RALGAPA1: variants seen among roughly 807,000 people sequenced by gnomAD.
The protein encoded by RALGAPA1 is Ral GTPase activating protein catalytic subunit alpha 1, also known as ral GTPase-activating protein subunit alpha-1.
Under a neutral mutation model 269.6 loss-of-function variants are expected in RALGAPA1, and 52 were observed. The observed-to-expected ratio is 0.19, with a 90% confidence interval of 0.15 to 0.24. The LOEUF is 0.24. RALGAPA1 is among the 10% of genes least tolerant of loss of function. The probability of loss-of-function intolerance (pLI) is 1.00; values close to 1 mark genes in which losing one functional copy is unlikely to be tolerated. For synonymous variants in RALGAPA1, 817 were observed against 1,008.3 expected (o/e 0.81, Z 3.60); for missense variants, 1,917 against 3,013.9 (o/e 0.64, Z 8.52).
rs952314933 is a variant in RALGAPA1, at chr14:35,572,886, C to A, written c.7210-168G>T. ...CACTCAAAAACATCAGGAGACACTG[C>A]AGAAGACCAGACAATTTCAATTGTC... is the stretch of plus-strand genomic sequence containing the variant. On this transcript the variant is annotated intron_variant, in intron 37 of 41. Coordinates refer to ENST00000680220, the MANE Select transcript of RALGAPA1 (RefSeq NM_001346249.2). The A allele has an allele frequency of 3.5e-5, 14 of 403,426 alleles. No homozygotes were observed. The Admixed American group carries it at 4.0e-4, about 11-fold the overall frequency. The allele number at this position is 403,426 out of a possible 1,614,324, so 25.0% of individuals were successfully genotyped here. A position where few individuals can be genotyped will look rare whatever the true frequency, so the allele number is the denominator to read the frequency against.
intron 37 of RALGAPA1, among the ~76,000 whole-genome samples, chr14:35,592,369 A>G (rs2058690207): frequency 6.6e-6 from 1 of 152,264 alleles, no homozygotes. Flanking sequence ...AGAATTAATT[A>G]GAAACCTTTA....
chr14:35,683,388 A>T (rs942369426), intron 21 of RALGAPA1: 15 of 153,004 alleles, frequency 9.8e-5, no homozygotes, highest in Admixed American at 5.2e-4. Context: ...TATAATAAAT[A>T]CTTTGCTAAA....
Position 35,655,813 on chromosome 14 carries a change from G to A in RALGAPA1, c.5490C>T (p.Ser1830=). 6.2e-7 allele frequency: 1 copy of A among 1,612,498 alleles called. No individual in the cohort carries two copies. Among genetic ancestry groups the A allele is most frequent in the Admixed American group, 1.7e-5 (1 of 59,814 alleles). The change falls in exon 29 of 42, where the codon TCC becomes TCT. Residue 1830 remains serine, a synonymous_variant. Transcript: ENST00000680220. ...ACTAAACAGTTTTCTTTACCTTTAA[G>A]GAAACACAAATCACATTCAGAGCTT... ...IKEALNVICV[S]LKFTNKTVAH... is the part of the protein sequence containing the mutation.
chr14:35,688,641 G>A lies in RALGAPA1; in HGVS notation c.3770C>T (p.Ser1257Leu). Residue 1257 changes from serine (S) to leucine (L), a missense_variant, in exon 18 of 42, where the codon TCA (serine) becomes TTA (leucine). Coordinates refer to ENST00000680220, the MANE Select transcript of RALGAPA1 (RefSeq NM_001346249.2). ...SQLGSRSTLR[S>L]SSHEAGLQQG... Reference sequence around the variant, plus strand: ...CTGTAGTCCTGCCTCATGACTTGATGACCTAAGAGTACTACGACTACCTAA... The same window carrying A: ...CTGTAGTCCTGCCTCATGACTTGATAACCTAAGAGTACTACGACTACCTAA... The A allele has an allele frequency of 6.5e-7, 1 of 1,532,512 alleles. No individual in the cohort carries two copies. The highest frequency in any genetic ancestry group is 8.7e-7 in the Non-Finnish European group (1 of 1,145,776). 94.9% of individuals were successfully genotyped at this position (1,532,512 alleles called of 1,614,324 possible).
At chr14:35,698,422 A>G (rs1229600843) in intron 17 of RALGAPA1, among the ~76,000 whole-genome samples, 1 of 152,190 alleles carries the variant, frequency 6.6e-6, no homozygotes, top group African/African-American at 2.4e-5. Flanking sequence ...TAAGTTGCAG[A>G]TGAGAAATTC....
In RALGAPA1 at chr14:35,701,193, A is replaced by G. The variant is rs2067321086; in HGVS notation, c.2267-891T>C. On this transcript the variant is annotated intron_variant, in intron 16 of 41. Transcript: ENST00000680220. ...ATAATCAAGTTTACTCTTCCCAGAG[A>G]TTTTTAAAAAAACATTTATTTCAAG... is the stretch of plus-strand genomic sequence containing the variant. Among the ~76,000 whole-genome samples, 3 of 152,326 alleles carry G rather than the reference A, an allele frequency of 2.0e-5. No individual in the cohort carries two copies. The South Asian group carries it at 6.2e-4, about 32-fold the overall frequency.
rs199633544 is a variant in RALGAPA1, at chr14:35,655,824, T to C, written c.5479A>G (p.Ile1827Val). 6.0e-5 allele frequency: 96 copies of C among 1,613,162 alleles called. No individual in the cohort carries two copies. Among genetic ancestry groups the C allele is most frequent in the Non-Finnish European group, 7.8e-5 (92 of 1,179,560 alleles). Residue 1827 changes from isoleucine to valine, a missense_variant, in exon 29 of 42, where the codon ATT becomes GTT. This residue lies in a region of RALGAPA1 where 346 missense variants were observed against 566.1 expected (regional missense o/e 0.61). Coordinates refer to ENST00000680220, the MANE Select transcript of RALGAPA1 (RefSeq NM_001346249.2). Reference protein sequence around the residue: ...HPQIKEALNVICVSLKFTNKT... With the variant: ...HPQIKEALNVVCVSLKFTNKT... ...TTCTTTACCTTTAAGGAAACACAAA[T>C]CACATTCAGAGCTTCCTTAATTTGA...
At chr14:35,678,521 C>A (rs1238935817) in intron 21 of RALGAPA1, among the ~76,000 whole-genome samples, 1 of 152,170 alleles carries the variant, frequency 6.6e-6, no homozygotes, top group Non-Finnish European at 1.5e-5. Context: ...TGGTTCCCAG[C>A]CTTCAGTCTC....
intron 35 of RALGAPA1, among the ~76,000 whole-genome samples, chr14:35,616,279 A>G (rs1358776814): frequency 6.6e-6 from 1 of 152,190 alleles, no homozygotes; most frequent in Non-Finnish European, 1.5e-5. Context: ...GGAGATACCT[A>G]TGTTATGAAG....
intron 16 of RALGAPA1, among the ~76,000 whole-genome samples, chr14:35,710,244 G>A (rs113276371): frequency 5.2e-4 from 79 of 152,162 alleles, no homozygotes; most frequent in African/African-American, 1.5e-3. Context: ...GGATTATTAC[G>A]TCTTCTTGGA....
intron 10 of RALGAPA1, among the ~76,000 whole-genome samples, chr14:35,743,564 G>A (rs1473425583): frequency 6.6e-6 from 1 of 151,922 alleles, no homozygotes; most frequent in Non-Finnish European, 1.5e-5. Context: ...TGTTACCCAG[G>A]CTAGACTGAA....
chr14:35,610,310 T>C (rs2059848966), intron 35 of RALGAPA1, among the ~76,000 whole-genome samples: 1 of 148,782 alleles, frequency 6.7e-6, no homozygotes, highest in Non-Finnish European at 1.5e-5. Flanking sequence ...TGAGATGGAG[T>C]CTCGCTCTCT....
chr14:35,563,957 G>A (rs1022115104), intron 39 of RALGAPA1, among the ~76,000 whole-genome samples: 3 of 152,026 alleles, frequency 2.0e-5, no homozygotes, highest in Non-Finnish European at 4.4e-5. Context: ...TTCTAAGTAC[G>A]ATTTCTACTG....
rs527497295 is a variant in RALGAPA1, at chr14:35,746,343, T to C, written c.1251+2242A>G. 5.3e-5 allele frequency among the ~76,000 whole-genome samples: 8 copies of C among 152,240 alleles called. No individual in the cohort carries two copies. In the South Asian group the frequency reaches 1.7e-3, roughly 32 times the overall value. On this transcript the variant is annotated intron_variant, in intron 10 of 41. Coordinates refer to ENST00000680220, the MANE Select transcript of RALGAPA1 (RefSeq NM_001346249.2). ...TTCTGGATATCTAGCATGGTGACTA[T>C]AGTTAATAATCCCATATTTTACACT...
rs1264233975 is a variant in RALGAPA1, at chr14:35,627,757, G to C, written c.6190C>G (p.Gln2064Glu). The C allele has an allele frequency of 3.7e-6, 6 of 1,613,512 alleles. No individual in the cohort carries two copies. Among genetic ancestry groups the C allele is most frequent in the Admixed American group, 3.3e-5 (2 of 59,962 alleles). ...GTTGTATTATTTAACACAAAGAACT[G>C]GATATTTGGACTCTCAAAGAGTTCA... ...SPELFESPNI[Q>E]FFVLNNTTLV... The change falls in exon 34 of 42, where the codon CAG (glutamine) becomes GAG (glutamate). Residue 2064 changes from glutamine to glutamate, a missense_variant. Around this residue, in one of 11 missense-constraint regions of RALGAPA1, gnomAD observed 346 missense variants for 566.1 expected, o/e 0.61. Coordinates refer to ENST00000680220, the MANE Select transcript of RALGAPA1 (RefSeq NM_001346249.2).
intron 37 of RALGAPA1, among the ~76,000 whole-genome samples, chr14:35,575,749 C>G (rs1309265741): frequency 1.3e-5 from 2 of 152,146 alleles, no homozygotes; most frequent in Non-Finnish European, 2.9e-5. Flanking sequence ...CTCCCACCCC[C>G]ACGCCCAGCT....
At chr14:35,549,281 A>G in intron 39 of RALGAPA1, 47 bp from the exon 40 acceptor site, 1 of 1,566,198 alleles carries the variant, frequency 6.4e-7, no homozygotes, top group East Asian at 2.3e-5. Context: ...CTTATACTGG[A>G]AAAAAAATCT....
At chr14:35,775,812 C>A in intron 1 of RALGAPA1, 67 bp from the exon 2 acceptor site, 1 of 1,367,876 alleles carries the variant, frequency 7.3e-7, no homozygotes. Flanking sequence ...AAATATTCAG[C>A]GACAAGTTTC....
At chr14:35,791,353 C>T (rs567651729) in intron 1 of RALGAPA1, among the ~76,000 whole-genome samples, 31 of 152,272 alleles carry the variant, frequency 2.0e-4, no homozygotes, top group South Asian at 2.1e-4. Context: ...GGTATAATCC[C>T]AGCACTTTGG....
Sources: allele counts gnomAD v4.1 joint callset (sites outside exome capture counted in the v4.1 genomes callset), GRCh38; gene constraint gnomAD v4.1.1; regional missense constraint gnomAD v4.1.1; transcripts MANE v1.5; gene names NCBI Gene and HGNC (gene_info 2026-07-23, HGNC 2026-07-21).